Variants in CFAP251 observed in about 807,000 individuals in gnomAD.
CFAP251 encodes cilia- and flagella-associated protein 251.
Under a neutral mutation model 126.7 loss-of-function variants are expected in CFAP251, and 93 were observed. The ratio of observed to expected loss-of-function variants is 0.73; its 90% CI spans 0.62 to 0.87. The LOEUF is 0.87. Among genes scored for constraint, CFAP251 ranks in the 40% least tolerant of loss-of-function variants. The pLI, the probability that CFAP251 is intolerant of heterozygous loss-of-function variation, is 0.00. For missense variants in CFAP251, 1,287 were observed against 1,389.2 expected (o/e 0.93, Z 1.17); for synonymous variants, 503 against 506.9 (o/e 0.99, Z 0.10).
intron 19 of CFAP251, chr12:121,992,560 A>G (rs898077470): frequency 7.1e-5 from 62 of 868,444 alleles, no homozygotes; most frequent in Non-Finnish European, 8.6e-5. Flanking sequence ...ATATATTTAT[A>G]TATATTATTT....
intron 8 of CFAP251, 24 bp from the exon 9 acceptor site, chr12:121,951,456 G>A: frequency 6.7e-7 from 1 of 1,501,116 alleles, no homozygotes; most frequent in East Asian, 2.3e-5. Context: ...TTTTTGAGTA[G>A]TGATTATTTT....
intron 5 of CFAP251, among the ~76,000 whole-genome samples, chr12:121,939,317 C>T (rs1228348016): frequency 6.6e-6 from 1 of 152,116 alleles, no homozygotes; most frequent in Non-Finnish European, 1.5e-5. Flanking sequence ...GAAATGCCCG[C>T]TGCCTGCACC....
chr12:121,975,382 T>G, intron 18 of CFAP251, 48 bp downstream of exon 18: 2 of 1,592,746 alleles, frequency 1.3e-6, no homozygotes, highest in Non-Finnish European at 1.7e-6. Context: ...TAGTTAAGTT[T>G]GTAAAGCAAA....
At chr12:121,929,637 G>A (rs1010548519) in intron 3 of CFAP251, among the ~76,000 whole-genome samples, 1 of 150,598 alleles carries the variant, frequency 6.6e-6, no homozygotes, top group Non-Finnish European at 1.5e-5. Flanking sequence ...GTCCTCCACC[G>A]ATCCATCCCT....
chr12:121,966,939 C>T lies in CFAP251; in HGVS notation c.2493-16C>T. ...ATTTGTGGAATTTTAAAAACTCTTT[C>T]TCTTTTTGCCTTCAGAAAGACGCTT... On this transcript the variant is annotated splice_polypyrimidine_tract_variant and intron_variant, in intron 15 of 21. Coordinates refer to ENST00000288912, the MANE Select transcript of CFAP251 (RefSeq NM_144668.6). The T allele has an allele frequency of 6.2e-7, 1 of 1,608,996 alleles. No homozygotes were observed. The highest frequency in any genetic ancestry group is 1.1e-5 in the South Asian group (1 of 90,806).
chr12:121,971,695 C>A, intron 17 of CFAP251: 1 of 695,774 alleles, frequency 1.4e-6, no homozygotes. Context: ...AAGTCCACCC[C>A]ACACCTTAAC....
intron 3 of CFAP251, 148 bp from the exon 4 acceptor site, chr12:121,931,598 C>A: frequency 2.8e-6 from 2 of 718,584 alleles, no homozygotes; most frequent in South Asian, 4.7e-5. Flanking sequence ...CAGGCATGAG[C>A]CACCACGCCT....
intron 17 of CFAP251, among the ~76,000 whole-genome samples, 191 bp downstream of exon 17, chr12:121,968,360 C>A (rs1882221570): frequency 6.6e-6 from 1 of 152,164 alleles, no homozygotes; most frequent in Non-Finnish European, 1.5e-5. Flanking sequence ...TCCCATGGAC[C>A]AATGGTGTTT....
chr12:121,936,562 T>C lies in CFAP251; in HGVS notation c.998+2206T>C, dbSNP rs562697662. Among the ~76,000 whole-genome samples, 3 of 152,190 alleles carry C rather than the reference T, an allele frequency of 2.0e-5. No homozygotes were observed. The South Asian group carries it at 6.2e-4, about 32-fold the overall frequency. ...ATGCCTAGGCAGTTGGGGGATACTG[T>C]GGGGCTGAACACGCCACCTTGTGTG... On this transcript the variant is annotated intron_variant, in intron 5 of 21. Coordinates refer to ENST00000288912, the MANE Select transcript of CFAP251 (RefSeq NM_144668.6).
At chr12:121,930,509 A>C (rs963639557) in intron 3 of CFAP251, among the ~76,000 whole-genome samples, 1 of 152,108 alleles carries the variant, frequency 6.6e-6, no homozygotes, top group African/African-American at 2.4e-5. Flanking sequence ...AACAAAAAAA[A>C]CCCCAAAAAA....
intron 3 of CFAP251, among the ~76,000 whole-genome samples, chr12:121,927,689 G>A (rs576394508): frequency 2.6e-5 from 4 of 152,210 alleles, no homozygotes; most frequent in South Asian, 4.2e-4. Context: ...TACAGTGAAC[G>A]TGCTCCTCCA....
chr12:121,990,602 G>A (rs145862145), intron 19 of CFAP251, among the ~76,000 whole-genome samples: 135 of 152,222 alleles, frequency 8.9e-4, no homozygotes, highest in African/African-American at 2.9e-3. Flanking sequence ...AAGCCTTCCC[G>A]AAGCCCACCT....
chr12:122,002,838 T>C (rs1883178978), intron 21 of CFAP251, among the ~76,000 whole-genome samples: 1 of 152,122 alleles, frequency 6.6e-6, no homozygotes, highest in Non-Finnish European at 1.5e-5. Context: ...TCACCAAGAC[T>C]GAGGAGGGTG....
chr12:122,001,619 TG>T (rs1883154222), intron 21 of CFAP251, 21 bp downstream of exon 21: 4 of 1,594,020 alleles, frequency 2.5e-6, no homozygotes, highest in Non-Finnish European at 3.4e-6. Context: ...TGGCTTTGTC[TG>T]GGCATGTAGC....
At position 121,957,201 on chromosome 12, in the gene CFAP251, A is replaced by G. The variant is rs1478404404; in HGVS notation, c.1663A>G (p.Thr555Ala). The G allele has an allele frequency of 1.9e-6, 3 of 1,613,790 alleles. No individual in the cohort carries two copies. Among genetic ancestry groups the G allele is most frequent in the East Asian group, 2.2e-5 (1 of 44,862 alleles). ...RTLSFSKTPA[T>A]PPTEKSNYPP... ...TCTGTCCTTTTCAAAGACCCCAGCA[A>G]CTCCTCCTACTGAAAAATCAAACTA... Residue 555 changes from threonine to alanine, a missense_variant, in exon 11 of 22, where the codon ACT becomes GCT. Physicochemically the swap from Thr to Ala is moderately conservative, Grantham distance 58. Coordinates refer to ENST00000288912, the MANE Select transcript of CFAP251 (RefSeq NM_144668.6).
At chr12:121,997,594 T>A (rs191423432) in intron 19 of CFAP251, 2 of 151,646 alleles carry the variant, frequency 1.3e-5, no homozygotes, top group Admixed American at 1.3e-4. Context: ...TTTTTTTTTT[T>A]ACAATATTTT....
chr12:121,934,137 A>T, intron 4 of CFAP251, 110 bp from the exon 5 acceptor site: 1 of 736,580 alleles, frequency 1.4e-6, no homozygotes, highest in Non-Finnish European at 2.2e-6. Context: ...CAGCCAGATG[A>T]GCGTTGAAAG....
chr12:121,998,432 A>AATATAT (rs71082926), intron 19 of CFAP251: 18 of 85,638 alleles, frequency 2.1e-4, no homozygotes, highest in Non-Finnish European at 2.9e-4. Flanking sequence ...TTTTTAGTGT[A>AATATAT]ATATATATAT....
intron 3 of CFAP251, among the ~76,000 whole-genome samples, chr12:121,931,391 C>A (rs190938550): frequency 6.6e-6 from 1 of 150,664 alleles, no homozygotes; most frequent in African/African-American, 2.5e-5. Flanking sequence ...CGGCTCACTG[C>A]AACCTCCGCC....
Sources: gnomAD v4.1 joint callset for allele counts (sites outside exome capture counted in the v4.1 genomes callset) on GRCh38, gnomAD v4.1.1 for gene constraint, MANE v1.5 for transcripts, NCBI Gene and HGNC (gene_info 2026-07-23, HGNC 2026-07-21) for gene names.